Variants in TMIGD3 observed in about 807,000 individuals in gnomAD.
TMIGD3 encodes transmembrane and immunoglobulin domain containing 3.
Under a neutral mutation model 28.1 loss-of-function variants are expected in TMIGD3, and 21 were observed. The observed-to-expected ratio is 0.75, with a 90% CI of 0.53 to 1.08. The LOEUF (loss-of-function observed/expected upper bound fraction) is 1.08. Among genes scored for constraint, TMIGD3 ranks in the 50% least tolerant of loss-of-function variants. The probability of loss-of-function intolerance (pLI) is 0.00; values close to 1 mark genes in which losing one functional copy is unlikely to be tolerated. For missense variants in TMIGD3, 416 were observed against 435.6 expected (o/e 0.96, Z 0.40); for synonymous variants, 151 against 162.1 (o/e 0.93, Z 0.52).
rs1411546899 is a variant in TMIGD3 at position 111,488,708 on chromosome 1, T to C, written c.774A>G (p.Gly258=). ...FTELIVTDDK[G]TLANDFWSGK... The stretch of plus-strand genomic sequence containing the variant: ...CAGACCAAAAGTCATTGGCCAGGGT[T>C]CCTTTGTCGTCAGTTACAATCAGCT... The change falls in exon 3 of 6, where the codon GGA becomes GGG. Residue 258 remains glycine (G), a synonymous_variant. Transcript: ENST00000369716. 6.2e-7 allele frequency: 1 copy of C among 1,614,062 alleles called. No individual in the cohort carries two copies. Among genetic ancestry groups the C allele is most frequent in the Non-Finnish European group, 8.5e-7 (1 of 1,179,934 alleles).
chr1:111,520,318 A>C (rs1032360680), intron 1 of TMIGD3, among the ~76,000 whole-genome samples: 5 of 152,352 alleles, frequency 3.3e-5, no homozygotes, highest in Middle Eastern at 3.4e-3. Context: ...AGTGTTCCCC[A>C]AAATCTCCCC....
At chr1:111,483,828 C>G (rs1482373403) in intron 5 of TMIGD3, 71 bp from the exon 6 acceptor site, 2 of 1,249,008 alleles carry the variant, frequency 1.6e-6, no homozygotes, top group Non-Finnish European at 2.3e-6. Flanking sequence ...GTTTCTGCAG[C>G]AAAAGTTCCA....
chr1:111,507,917 C>G (rs2786995), upstream of TMIGD3, among the ~76,000 whole-genome samples: 50,688 of 152,196 alleles, frequency 0.33, 10,040 homozygotes, highest in Non-Finnish European at 0.44. Context: ...TCCATCAAGC[C>G]CCGGGGGTCA....
At chr1:111,528,212 AT>A (rs1557836628) in intron 1 of TMIGD3, among the ~76,000 whole-genome samples, 1 of 152,036 alleles carries the variant, frequency 6.6e-6, no homozygotes, top group Non-Finnish European at 1.5e-5. Flanking sequence ...ATTTTATTTT[AT>A]TTTATTGCAT....
At chr1:111,485,889 T>C (rs752219184) in intron 4 of TMIGD3, 49 bp from the exon 5 acceptor site, 52 of 1,446,152 alleles carry the variant, frequency 3.6e-5, no homozygotes, top group Non-Finnish European at 4.3e-5. Context: ...AAACTGCCTA[T>C]TGATTCTCAG....
At chr1:111,547,307 T>C (rs769731746) in intron 1 of TMIGD3, among the ~76,000 whole-genome samples, 13 of 152,052 alleles carry the variant, frequency 8.5e-5, no homozygotes, top group Non-Finnish European at 1.6e-4. Context: ...CATGAAAGGG[T>C]ACTGGATTTT....
chr1:111,499,083 C>A (rs1190197035), intron 1 of TMIGD3, among the ~76,000 whole-genome samples: 8 of 114,282 alleles, frequency 7.0e-5, no homozygotes, highest in African/African-American at 2.3e-4. Flanking sequence ...AGAACGAGAC[C>A]TTGTCTCAAA....
At chr1:111,524,356 G>T (rs1005182744) in intron 1 of TMIGD3, among the ~76,000 whole-genome samples, 1 of 151,846 alleles carries the variant, frequency 6.6e-6, no homozygotes, top group African/African-American at 2.4e-5. Context: ...GGTGAAAATT[G>T]AGGAAATCTA....
intron 1 of TMIGD3, among the ~76,000 whole-genome samples, chr1:111,556,141 CA>C (rs2101041558): frequency 6.6e-6 from 1 of 152,158 alleles, no homozygotes; most frequent in African/African-American, 2.4e-5. Flanking sequence ...AAGAGATATA[CA>C]AATGGTCAGT....
intron 1 of TMIGD3, among the ~76,000 whole-genome samples, chr1:111,521,663 G>A (rs1656063882): frequency 6.6e-6 from 1 of 152,066 alleles, no homozygotes; most frequent in Non-Finnish European, 1.5e-5. Context: ...GTATATTTTA[G>A]TTATAAGTCT....
intron 1 of TMIGD3, among the ~76,000 whole-genome samples, chr1:111,538,186 G>C (rs769798632): frequency 6.6e-6 from 1 of 152,130 alleles, no homozygotes; most frequent in African/African-American, 2.4e-5. Flanking sequence ...CACAATTTGT[G>C]CCTCTGGAAT....
chr1:111,490,462 A>G (rs1219266487), intron 2 of TMIGD3, 194 bp downstream of exon 2: 3 of 570,800 alleles, frequency 5.3e-6, no homozygotes, highest in Non-Finnish European at 9.3e-6. Flanking sequence ...ATTTCCTCAC[A>G]AACTCTCTTA....
intron 3 of TMIGD3, among the ~76,000 whole-genome samples, chr1:111,487,454 A>G (rs1654436051): frequency 6.6e-6 from 1 of 152,018 alleles, no homozygotes; most frequent in Non-Finnish European, 1.5e-5. Context: ...GGACTGTGAT[A>G]GAAAAGGACA....
intron 1 of TMIGD3, among the ~76,000 whole-genome samples, chr1:111,497,323 G>T (rs1654936555): frequency 6.6e-6 from 1 of 152,044 alleles, no homozygotes; most frequent in African/African-American, 2.4e-5. Context: ...TTTTAGCCAG[G>T]ATGGTCTCGA....
intron 1 of TMIGD3, among the ~76,000 whole-genome samples, chr1:111,532,578 C>G (rs956479654): frequency 2.0e-5 from 3 of 152,080 alleles, no homozygotes; most frequent in Non-Finnish European, 4.4e-5. Context: ...TCGCTTGAGG[C>G]CAGGAGTTCA....
chr1:111,499,865 C>A, intron 1 of TMIGD3: 1 of 1,549,018 alleles, frequency 6.5e-7, no homozygotes, highest in Non-Finnish European at 8.7e-7. Flanking sequence ...ATGTAAAAAT[C>A]CCTTGGCCCA....
chr1:111,513,517 G>A (rs1397611345), intron 1 of TMIGD3, among the ~76,000 whole-genome samples: 1 of 152,162 alleles, frequency 6.6e-6, no homozygotes. Flanking sequence ...TTCTAGGTTG[G>A]GAGTTTAGCC....
At chr1:111,556,510 A>G (rs1343547837) in intron 1 of TMIGD3, among the ~76,000 whole-genome samples, 1 of 152,242 alleles carries the variant, frequency 6.6e-6, no homozygotes, top group East Asian at 1.9e-4. Flanking sequence ...AAATGTGTAT[A>G]GATGGATGAA....
Position 111,485,359 on chromosome 1 carries a change from T to C in TMIGD3, c.973+381A>G, listed in dbSNP as rs80261594. The C allele has an allele frequency of 8.0e-3, 1,369 of 170,978 alleles. 33 individuals are homozygous for C. Among genetic ancestry groups the C allele is most frequent in the East Asian group, 0.076 (459 of 6,030 alleles). The allele number at this position is 170,978 out of a possible 1,614,324, so 10.6% of individuals were successfully genotyped here. A position where few individuals can be genotyped will look rare whatever the true frequency, so the allele number is the denominator to read the frequency against. Reference sequence around the variant, plus strand: ...CTGGGCAACAGGGCAACATCCTGTGTATATGAAAAAGGAGACTCTTCTATA... The same window carrying C: ...CTGGGCAACAGGGCAACATCCTGTGCATATGAAAAAGGAGACTCTTCTATA... On this transcript the variant is annotated intron_variant, in intron 5 of 5. Transcript: ENST00000369716.
Sources: gnomAD v4.1 joint callset for allele counts (sites outside exome capture counted in the v4.1 genomes callset) on GRCh38, gnomAD v4.1.1 for gene constraint, MANE v1.5 for transcripts, NCBI Gene and HGNC (gene_info 2026-07-23, HGNC 2026-07-21) for gene names.